BCKDHB: variants seen among roughly 807,000 people sequenced by gnomAD.
BCKDHB encodes the protein branched chain keto acid dehydrogenase E1 subunit beta, also known as 2-oxoisovalerate dehydrogenase subunit beta, mitochondrial.
BCKDHB carries 41 observed loss-of-function variants against 48.5 expected under a neutral mutation model. That is an observed-to-expected ratio of 0.85 (90% CI 0.66 to 1.10). The LOEUF (loss-of-function observed/expected upper bound fraction) is 1.10, where lower values mean the gene tolerates loss of function less well. BCKDHB is among the 50% of genes least tolerant of loss of function. The pLI is 0.00. For missense variants in BCKDHB, 496 were observed against 494.2 expected (o/e 1.00, Z -0.03); for synonymous variants, 201 against 174.8 (o/e 1.15, Z -1.18).
chr6:80,193,224 T>G (rs1027992625), intron 6 of BCKDHB, among the ~76,000 whole-genome samples: 3 of 152,174 alleles, frequency 2.0e-5, no homozygotes, highest in Non-Finnish European at 2.9e-5. Flanking sequence ...AGAAAAAAAT[T>G]AGACTGCATT....
the BCKDHB span, among the ~76,000 whole-genome samples, chr6:80,430,161 T>G: frequency 1.3e-5 from 2 of 152,210 alleles, no homozygotes; most frequent in African/African-American, 4.8e-5. Context: ...ACACGATAGA[T>G]TACGGTTATT....
intron 3 of BCKDHB, among the ~76,000 whole-genome samples, chr6:80,131,683 C>T (rs1770638133): frequency 6.6e-6 from 1 of 151,912 alleles, no homozygotes; most frequent in Admixed American, 6.6e-5. Context: ...CGCTCTATCG[C>T]CCAGGCTGGA....
In BCKDHB at chr6:80,220,718, T is replaced by C. The variant is rs549589661; in HGVS notation, c.951+17506T>C. On this transcript the variant is annotated intron_variant, in intron 8 of 9. Coordinates refer to ENST00000320393, the MANE Select transcript of BCKDHB (RefSeq NM_183050.4). ...AATGCTTTTTATCAGAGACTAGCTC[T>C]TTTTCTTTTCTTTTTCTTTTTTTTT... 2.0e-5 allele frequency among the ~76,000 whole-genome samples: 3 copies of C among 147,144 alleles called. No individual in the cohort carries two copies. The East Asian group carries it at 6.2e-4, about 31-fold the overall frequency.
intron 8 of BCKDHB, among the ~76,000 whole-genome samples, chr6:80,235,716 T>G (rs1776121163): frequency 1.3e-5 from 2 of 152,218 alleles, no homozygotes; most frequent in Admixed American, 1.3e-4. Flanking sequence ...CCAATTCTCC[T>G]TGCAGTTGCT....
At chr6:80,414,728 G>T in the BCKDHB span, among the ~76,000 whole-genome samples, 4 of 152,048 alleles carry the variant, frequency 2.6e-5, no homozygotes, top group African/African-American at 9.7e-5. Flanking sequence ...GGATTGACTT[G>T]GCTATTGGGG....
At chr6:80,131,730 C>T (rs1043117527) in intron 3 of BCKDHB, among the ~76,000 whole-genome samples, 1 of 151,904 alleles carries the variant, frequency 6.6e-6, no homozygotes, top group African/African-American at 2.4e-5. Flanking sequence ...GCAGCCTCTG[C>T]TTCCTGGGTT....
intron 9 of BCKDHB, among the ~76,000 whole-genome samples, chr6:80,340,155 A>C (rs1043932770): frequency 2.2e-4 from 33 of 152,262 alleles, no homozygotes; most frequent in African/African-American, 7.5e-4. Context: ...GTAAATTCAA[A>C]TACTATATTC....
chr6:80,354,747 C>A, the BCKDHB span, among the ~76,000 whole-genome samples: 1 of 152,150 alleles, frequency 6.6e-6, no homozygotes, highest in Admixed American at 6.6e-5. Context: ...TTTCTCAGCA[C>A]CATTTATGGA....
chr6:80,183,966 C>T (rs949461679), intron 6 of BCKDHB, among the ~76,000 whole-genome samples: 1 of 151,474 alleles, frequency 6.6e-6, no homozygotes, highest in Non-Finnish European at 1.5e-5. Flanking sequence ...TTGGAAGTAA[C>T]ACAGTTTATT....
intron 8 of BCKDHB, among the ~76,000 whole-genome samples, chr6:80,254,498 C>G (rs940558928): frequency 6.6e-6 from 1 of 151,898 alleles, no homozygotes; most frequent in Non-Finnish European, 1.5e-5. Flanking sequence ...GGGTTCAAGA[C>G]CAGCCCAGGC....
intron 8 of BCKDHB, among the ~76,000 whole-genome samples, chr6:80,229,431 G>C (rs749571824): frequency 1.4e-4 from 21 of 152,134 alleles, no homozygotes; most frequent in Non-Finnish European, 2.9e-4. Flanking sequence ...GCAGGAATAT[G>C]TTTGTCCTAT....
At chr6:80,387,484 T>C in the BCKDHB span, among the ~76,000 whole-genome samples, 4 of 152,218 alleles carry the variant, frequency 2.6e-5, no homozygotes, top group Non-Finnish European at 5.9e-5. Flanking sequence ...TGTTCTACTC[T>C]CCCATTTGGC....
chr6:80,128,894 G>A (rs542552952), intron 2 of BCKDHB, among the ~76,000 whole-genome samples: 2 of 151,908 alleles, frequency 1.3e-5, no homozygotes, highest in African/African-American at 2.4e-5. Flanking sequence ...GTGTGTGTGT[G>A]TGTGTGTGTG....
intron 6 of BCKDHB, among the ~76,000 whole-genome samples, chr6:80,183,574 C>T (rs1773510959): frequency 6.6e-6 from 1 of 152,136 alleles, no homozygotes; most frequent in Non-Finnish European, 1.5e-5. Flanking sequence ...ACATTTTTTA[C>T]AATTGATGAC....
the BCKDHB span, among the ~76,000 whole-genome samples, chr6:80,360,080 A>T: frequency 6.6e-6 from 1 of 152,210 alleles, no homozygotes; most frequent in Non-Finnish European, 1.5e-5. Context: ...GGAGGTGGTT[A>T]GGGATGACAA....
chr6:80,240,795 C>G (rs113440603), intron 8 of BCKDHB, among the ~76,000 whole-genome samples: 5,186 of 152,038 alleles, frequency 0.034, 293 homozygotes, highest in African/African-American at 0.12. Context: ...TGATATTGGC[C>G]TGTCTTGCTA....
At chr6:80,390,840 G>T in the BCKDHB span, among the ~76,000 whole-genome samples, 1 of 152,156 alleles carries the variant, frequency 6.6e-6, no homozygotes, top group Admixed American at 6.5e-5. Context: ...GTCTATGAGG[G>T]TGTTGCCAAA....
chr6:80,193,303 AT>A (rs559806022), intron 6 of BCKDHB, among the ~76,000 whole-genome samples: 10 of 151,636 alleles, frequency 6.6e-5, no homozygotes, highest in South Asian at 2.1e-4. Context: ...ATAACAGGTG[AT>A]TTTTTTTTAA....
the BCKDHB span, among the ~76,000 whole-genome samples, chr6:80,433,947 A>G: frequency 6.6e-6 from 1 of 152,102 alleles, no homozygotes; most frequent in African/African-American, 2.4e-5. Context: ...CTTTCTCTTA[A>G]CTTTTCACTT....
Sources: gnomAD v4.1 joint callset for allele counts (sites outside exome capture counted in the v4.1 genomes callset) on GRCh38, gnomAD v4.1.1 for gene constraint, MANE v1.5 for transcripts, NCBI Gene and HGNC (gene_info 2026-07-23, HGNC 2026-07-21) for gene names.